The following SAMMSON variants were observed in gnomAD, a reference collection of about 807,000 sequenced individuals.
SAMMSON encodes the protein long intergenic non-protein coding RNA 1212.
chr3:70,118,562 G>C (rs1280971013), intron 4 of SAMMSON, among the ~76,000 whole-genome samples: 1 of 152,188 alleles, frequency 6.6e-6, no homozygotes, highest in Non-Finnish European at 1.5e-5. Flanking sequence ...AAAGGAGCAT[G>C]GGAAAGGCTC....
At chr3:70,205,885 G>A (rs567197951) in intron 4 of SAMMSON, 2 of 151,988 alleles carry the variant, frequency 1.3e-5, no homozygotes, top group Non-Finnish European at 2.9e-5. Flanking sequence ...CTCCTGTAAA[G>A]GTCATTGCAA....
At chr3:70,194,634 G>A (rs537586728) in intron 4 of SAMMSON, among the ~76,000 whole-genome samples, 1 of 152,318 alleles carries the variant, frequency 6.6e-6, no homozygotes, top group South Asian at 2.1e-4. Flanking sequence ...AGATCTTGTA[G>A]TGTTCTGACC....
At chr3:70,030,419 A>G (rs753154127) in intron 3 of SAMMSON, 1 of 152,224 alleles carries the variant, frequency 6.6e-6, no homozygotes, top group Non-Finnish European at 1.5e-5. Flanking sequence ...CTTTCTACAA[A>G]TATAACCAGA....
At chr3:70,223,256 G>T (rs549764560) in intron 4 of SAMMSON, among the ~76,000 whole-genome samples, 1 of 152,102 alleles carries the variant, frequency 6.6e-6, no homozygotes, top group African/African-American at 2.4e-5. Flanking sequence ...TCGAAACTCA[G>T]AGAGATGAAG....
chr3:70,079,268 CTCT>C (rs1576116460), intron 4 of SAMMSON, among the ~76,000 whole-genome samples: 1 of 152,104 alleles, frequency 6.6e-6, no homozygotes, highest in East Asian at 1.9e-4. Context: ...TTGTGGGTAT[CTCT>C]TCTTAACTCT....
At chr3:70,401,605 A>T (rs1701142855) in intron 2 of SAMMSON, among the ~76,000 whole-genome samples, 1 of 152,006 alleles carries the variant, frequency 6.6e-6, no homozygotes, top group Non-Finnish European at 1.5e-5. Context: ...ATATTGTTTT[A>T]TTTTTTTCTG....
intron 4 of SAMMSON, among the ~76,000 whole-genome samples, chr3:70,243,673 CCAA>C (rs1047273539): frequency 7.9e-5 from 12 of 152,132 alleles, no homozygotes. Flanking sequence ...AGCACCTTCT[CCAA>C]CGTCTCCAGG....
At chr3:70,298,054 A>G (rs1408443347) in intron 7 of SAMMSON, among the ~76,000 whole-genome samples, 1 of 152,074 alleles carries the variant, frequency 6.6e-6, no homozygotes, top group Non-Finnish European at 1.5e-5. Context: ...ATCGGGTGCT[A>G]TTTGCTGAAT....
intron 6 of SAMMSON, among the ~76,000 whole-genome samples, chr3:70,270,961 C>T (rs1040267388): frequency 1.1e-4 from 16 of 152,048 alleles, no homozygotes; most frequent in Admixed American, 8.5e-4. Flanking sequence ...TGCAGCAAAT[C>T]GCCATGGCAC....
At chr3:70,351,768 G>T (rs773360207) in intron 7 of SAMMSON, among the ~76,000 whole-genome samples, 4 of 151,998 alleles carry the variant, frequency 2.6e-5, no homozygotes, top group Admixed American at 6.6e-5. Context: ...AGGCACCCTA[G>T]CAAGACAAAA....
At chr3:70,346,392 C>A (rs1236485764) in intron 7 of SAMMSON, among the ~76,000 whole-genome samples, 1 of 151,616 alleles carries the variant, frequency 6.6e-6, no homozygotes, top group Non-Finnish European at 1.5e-5. Context: ...CTCCTATAGC[C>A]TTTCCAAGAA....
intron 4 of SAMMSON, among the ~76,000 whole-genome samples, chr3:70,248,077 TTGAG>T (rs1457581404): frequency 1.3e-5 from 2 of 152,060 alleles, no homozygotes; most frequent in African/African-American, 4.8e-5. Context: ...CTAACATTTA[TTGAG>T]TATGTATTAA....
chr3:70,208,580 T>G (rs1021527347), intron 4 of SAMMSON, among the ~76,000 whole-genome samples: 1 of 152,124 alleles, frequency 6.6e-6, no homozygotes, highest in African/African-American at 2.4e-5. Context: ...GGGAGAATTT[T>G]TGAAGCTCCT....
intron 4 of SAMMSON, among the ~76,000 whole-genome samples, chr3:70,078,586 T>A (rs543494902): frequency 6.6e-6 from 1 of 152,312 alleles, no homozygotes; most frequent in Non-Finnish European, 1.5e-5. Flanking sequence ...TTTATCTGCT[T>A]CTTTGGCCCT....
chr3:70,163,354 TAGAG>T (rs71626390), intron 4 of SAMMSON, among the ~76,000 whole-genome samples: 19 of 148,000 alleles, frequency 1.3e-4, no homozygotes, highest in African/African-American at 2.0e-4. Context: ...TATATATATA[TAGAG>T]AGAGAGAGAG....
In SAMMSON at chr3:70,139,665, G is replaced by A. The variant is rs142920547; in HGVS notation, n.507+68100G>A. ...AGTTTGGGGTAAGGAAGCCCATGAC[G>A]TGATGTGCTGAACAGTAGTGGCCCC... On this transcript the variant is annotated intron_variant and non_coding_transcript_variant, in intron 4 of 9. Transcript: ENST00000642114. Among the ~76,000 whole-genome samples, 732 of 152,270 alleles carry A rather than the reference G, an allele frequency of 4.8e-3. 6 individuals carry two copies. The highest frequency in any genetic ancestry group is 0.016 in the African/African-American group (683 of 41,562).
chr3:70,299,237 G>A (rs1278847250), intron 7 of SAMMSON, among the ~76,000 whole-genome samples: 3 of 151,914 alleles, frequency 2.0e-5, no homozygotes, highest in African/African-American at 7.3e-5. Flanking sequence ...GCCCTAGAAA[G>A]GTGTTCACAT....
chr3:70,305,841 T>G (rs1352483432), intron 7 of SAMMSON, among the ~76,000 whole-genome samples: 1 of 152,192 alleles, frequency 6.6e-6, no homozygotes, highest in East Asian at 1.9e-4. Flanking sequence ...CATGAAAGTT[T>G]AGGAATGAGA....
At chr3:70,129,474 T>C (rs1440492512) in intron 4 of SAMMSON, among the ~76,000 whole-genome samples, 1 of 152,194 alleles carries the variant, frequency 6.6e-6, no homozygotes, top group African/African-American at 2.4e-5. Flanking sequence ...TAGTATATGT[T>C]TGACATGGAA....
Sources: allele counts gnomAD v4.1 joint callset (sites outside exome capture counted in the v4.1 genomes callset), GRCh38; gene constraint gnomAD v4.1.1; transcripts MANE v1.5; gene names NCBI Gene and HGNC (gene_info 2026-07-23, HGNC 2026-07-21).